OPCML: variants seen among roughly 807,000 people sequenced by gnomAD.
OPCML encodes the protein opioid binding protein/cell adhesion molecule like.
A neutral mutation model predicts 37.8 loss-of-function variants in OPCML; 13 were observed. The observed-to-expected ratio is 0.34, with a 90% CI of 0.22 to 0.55. OPCML has a LOEUF of 0.55. Among genes scored for constraint, OPCML ranks in the 20% least tolerant of loss-of-function variants. The pLI, the probability that OPCML is intolerant of heterozygous loss-of-function variation, is 0.91. For missense variants in OPCML, 341 were observed against 435.6 expected (o/e 0.78, Z 1.93); for synonymous variants, 176 against 168.8 (o/e 1.04, Z -0.33).
At chr11:133,440,533 A>C (rs6590696) in intron 1 of OPCML, among the ~76,000 whole-genome samples, 55,145 of 150,950 alleles carry the variant, frequency 0.37, 14,656 homozygotes, top group African/African-American at 0.75. Context: ...TCAAGACCAG[A>C]CTGACCAACA....
chr11:132,651,623 T>G (rs1055144691), intron 3 of OPCML, among the ~76,000 whole-genome samples: 1 of 152,198 alleles, frequency 6.6e-6, no homozygotes, highest in African/African-American at 2.4e-5. Context: ...AGATAACGTT[T>G]ATACTTAGTG....
chr11:133,327,718 A>G (rs1490193024), intron 1 of OPCML, among the ~76,000 whole-genome samples: 1 of 152,120 alleles, frequency 6.6e-6, no homozygotes, highest in Non-Finnish European at 1.5e-5. Context: ...TGAAGCCTCC[A>G]CTTCCTTTGA....
chr11:132,509,785 G>C (rs1268059897), intron 4 of OPCML, among the ~76,000 whole-genome samples: 1 of 152,240 alleles, frequency 6.6e-6, no homozygotes, highest in Non-Finnish European at 1.5e-5. Context: ...TGCTGCAGGG[G>C]TGGGGCCCTC....
chr11:133,255,209 A>T (rs2136443059), intron 1 of OPCML, among the ~76,000 whole-genome samples: 1 of 152,276 alleles, frequency 6.6e-6, no homozygotes, highest in South Asian at 2.1e-4. Flanking sequence ...AATAGACAGG[A>T]ATTAAAGTGT....
chr11:133,352,653 G>A (rs1309065746), intron 1 of OPCML, among the ~76,000 whole-genome samples: 1 of 152,214 alleles, frequency 6.6e-6, no homozygotes, highest in Non-Finnish European at 1.5e-5. Context: ...ACAGCGTATG[G>A]TGTAGTAGAT....
At chr11:133,007,492 C>A in intron 1 of OPCML, 5 of 985,446 alleles carry the variant, frequency 5.1e-6, no homozygotes, top group Non-Finnish European at 4.8e-6. Context: ...GTTAATGAAC[C>A]TGTCCTTAGA....
chr11:133,196,500 C>T (rs1190595334), intron 1 of OPCML, among the ~76,000 whole-genome samples: 1 of 152,148 alleles, frequency 6.6e-6, no homozygotes, highest in South Asian at 2.1e-4. Flanking sequence ...AACTCTCTTG[C>T]CAGGTAGACT....
At chr11:133,201,579 C>T (rs781501768) in intron 1 of OPCML, among the ~76,000 whole-genome samples, 12 of 152,048 alleles carry the variant, frequency 7.9e-5, no homozygotes, top group Admixed American at 1.3e-4. Flanking sequence ...CAGGAAGATG[C>T]GTTGTTCAGA....
intron 3 of OPCML, among the ~76,000 whole-genome samples, chr11:132,618,048 T>C (rs1163578998): frequency 6.6e-6 from 1 of 152,088 alleles, no homozygotes; most frequent in African/African-American, 2.4e-5. Flanking sequence ...TATATTCCAG[T>C]TGTTGGGGAT....
chr11:132,628,685 A>G (rs143017724), intron 3 of OPCML, among the ~76,000 whole-genome samples: 197 of 152,176 alleles, frequency 1.3e-3, no homozygotes, highest in African/African-American at 4.5e-3. Context: ...TCCCCAGCCA[A>G]ATCTCATCTT....
chr11:133,207,704 A>G (rs190614607), intron 1 of OPCML, among the ~76,000 whole-genome samples: 2 of 152,326 alleles, frequency 1.3e-5, no homozygotes, highest in Admixed American at 1.3e-4. Flanking sequence ...TCTGTCATGT[A>G]CTATCCAGAC....
chr11:132,687,801 CACTTT>C (rs1183094758), intron 2 of OPCML, among the ~76,000 whole-genome samples: 1 of 152,080 alleles, frequency 6.6e-6, no homozygotes, highest in Admixed American at 6.5e-5. Context: ...TTGCATCAGT[CACTTT>C]ACTTTCTTTC....
chr11:133,268,672 T>C (rs751625654), intron 1 of OPCML, among the ~76,000 whole-genome samples: 1 of 152,206 alleles, frequency 6.6e-6, no homozygotes, highest in Non-Finnish European at 1.5e-5. Context: ...AGGTAATGCA[T>C]ACACTAGAAA....
intron 3 of OPCML, among the ~76,000 whole-genome samples, chr11:132,544,025 C>T (rs1220314975): frequency 6.6e-6 from 1 of 152,066 alleles, no homozygotes; most frequent in African/African-American, 2.4e-5. Flanking sequence ...AACTGAGTCT[C>T]ATTACAGCCA....
intron 4 of OPCML, among the ~76,000 whole-genome samples, chr11:132,520,674 A>ATGTGTGTGTGTGTGTG (rs1555144701): frequency 1.7e-4 from 22 of 128,096 alleles, no homozygotes; most frequent in African/African-American, 5.2e-4. Flanking sequence ...CTAAATATAT[A>ATGTGTGTGTGTGTGTG]TGTGTGTGTG....
chr11:133,115,837 T>C (rs4417278), intron 1 of OPCML, among the ~76,000 whole-genome samples: 93,610 of 151,306 alleles, frequency 0.62, 29,037 homozygotes, highest in East Asian at 0.8. Context: ...ATCATTTGTT[T>C]TCACATGTTT....
chr11:133,122,936 T>C (rs1019085182), intron 1 of OPCML, among the ~76,000 whole-genome samples: 2 of 152,242 alleles, frequency 1.3e-5, no homozygotes, highest in African/African-American at 4.8e-5. Flanking sequence ...CATTCCCTTT[T>C]CATTTGGAAA....
intron 1 of OPCML, among the ~76,000 whole-genome samples, chr11:133,416,585 C>T (rs11223469): frequency 0.018 from 2,725 of 152,330 alleles, 37 homozygotes; most frequent in South Asian, 0.064. Flanking sequence ...CATCTGACAT[C>T]TGACCATGAG....
At chr11:132,944,765 C>T (rs952239494) in intron 1 of OPCML, among the ~76,000 whole-genome samples, 2 of 152,168 alleles carry the variant, frequency 1.3e-5, no homozygotes, top group African/African-American at 2.4e-5. Context: ...CCCAGAGCTC[C>T]GCTTCCCTTG....
Sources: allele counts gnomAD v4.1 joint callset (sites outside exome capture counted in the v4.1 genomes callset), GRCh38; gene constraint gnomAD v4.1.1; transcripts MANE v1.5; gene names NCBI Gene and HGNC (gene_info 2026-07-23, HGNC 2026-07-21).